Variants in HDC observed in about 807,000 individuals in gnomAD.
HDC encodes the protein histidine decarboxylase.
In HDC, 27 loss-of-function variants were observed where a neutral mutation model predicts 64.4. The observed-to-expected ratio is 0.42, with a 90% confidence interval of 0.31 to 0.58. The LOEUF is 0.58. Ranked by LOEUF, HDC falls within the 20% of genes least tolerant of loss-of-function variation. HDC has a pLI of 0.16. For missense variants in HDC, 711 were observed against 833.9 expected (o/e 0.85, Z 1.81); for synonymous variants, 305 against 314.2 (o/e 0.97, Z 0.31).
At chr15:50,254,392 C>T (rs2045598810) in intron 5 of HDC, 119 bp from the exon 6 acceptor site, 1 of 1,521,930 alleles carries the variant, frequency 6.6e-7, no homozygotes, top group Non-Finnish European at 9.1e-7. Flanking sequence ...GTCTTCCCTA[C>T]AGTTGCTGGA....
At chr15:50,245,921 A>T (rs1250579765) in intron 10 of HDC, among the ~76,000 whole-genome samples, 1 of 152,228 alleles carries the variant, frequency 6.6e-6, no homozygotes, top group African/African-American at 2.4e-5. Flanking sequence ...TAAATAAGGC[A>T]GACAAATATA....
At chr15:50,261,442 T>C (rs951811240) in intron 2 of HDC, among the ~76,000 whole-genome samples, 1 of 152,094 alleles carries the variant, frequency 6.6e-6, no homozygotes, top group Non-Finnish European at 1.5e-5. Context: ...AAAAAATGCT[T>C]GTGAAATAGG....
At chr15:50,263,109 G>C (rs986175198) in intron 2 of HDC, 126 bp downstream of exon 2, 2 of 924,042 alleles carry the variant, frequency 2.2e-6, no homozygotes, top group African/African-American at 3.2e-5. Context: ...CTGGGGTGTT[G>C]GTGGCCAAGT....
At chr15:50,249,596 T>G (rs1051030629) in intron 9 of HDC, among the ~76,000 whole-genome samples, 1 of 152,156 alleles carries the variant, frequency 6.6e-6, no homozygotes, top group Non-Finnish European at 1.5e-5. Context: ...GGGGCTTTTG[T>G]GCCAGCAGAA....
At chr15:50,262,284 A>C (rs2045714232) in intron 2 of HDC, among the ~76,000 whole-genome samples, 1 of 152,138 alleles carries the variant, frequency 6.6e-6, no homozygotes, top group Non-Finnish European at 1.5e-5. Context: ...AAAATCCTGG[A>C]TCTACCAGGT....
chr15:50,263,404 C>T lies in HDC; in HGVS notation c.35G>A (p.Arg12Lys), dbSNP rs999063311. The change falls in exon 2 of 12, where the codon AGA becomes AAA. Residue 12 changes from arginine to lysine, a missense_variant. Physicochemically the swap from Arg to Lys is conservative, Grantham distance 26. Around this residue, in one of 3 missense-constraint regions of HDC, gnomAD observed 225 missense variants for 276.2 expected, o/e 0.81. Transcript: ENST00000267845. ...CTGGCAGATGTAATCCACCATCTCTCTCCCTAGAAGTGACATAGAGAAATC... is the reference window on the plus strand; with the variant it reads ...CTGGCAGATGTAATCCACCATCTCTTTCCCTAGAAGTGACATAGAGAAATC... ...MEPEEYRERG[R>K]EMVDYICQYL... 2 of 1,614,102 alleles carry T rather than the reference C, an allele frequency of 1.2e-6. No homozygotes were observed. Among genetic ancestry groups the T allele is most frequent in the African/African-American group, 1.3e-5 (1 of 75,064 alleles).
chr15:50,263,366 C>G lies in HDC; in HGVS notation c.73G>C (p.Val25Leu), dbSNP rs753478644. The change falls in exon 2 of 12, where the codon GTG (valine) becomes CTG (leucine). Residue 25 changes from valine (V) to leucine (L), a missense_variant. Val to Leu is a conservative substitution (Grantham distance 32). This residue lies in a region of HDC where 225 missense variants were observed against 276.2 expected (regional missense o/e 0.81). Transcript: ENST00000267845. ...VDYICQYLST[V>L]RERRVTPDVQ... ...TCTGGCGTCACACGTCTCTCCCGCA[C>G]AGTGCTCAGGTACTGGCAGATGTAA... The G allele has an allele frequency of 6.2e-7, 1 of 1,614,214 alleles. No individual in the cohort carries two copies.
In HDC at chr15:50,254,205, G is replaced by T. The variant is rs761199216; in HGVS notation, c.645C>A (p.Asp215Glu). The T allele has an allele frequency of 6.2e-7, 1 of 1,614,186 alleles. No homozygotes were observed. Among genetic ancestry groups the T allele is most frequent in the Non-Finnish European group, 8.5e-7 (1 of 1,180,012 alleles). ...LVKMKFLPVDDNFSLRGEALQ... is the reference protein window; with the variant it reads ...LVKMKFLPVDENFSLRGEALQ... ...GAGCTTCCCCTCGGAGTGAGAAGTT[G>T]TCATCCACAGGCAGAAATTTCATCT... Residue 215 changes from aspartate (D) to glutamate (E), a missense_variant, in exon 6 of 12, where the codon GAC becomes GAA. Physicochemically the swap from Asp to Glu is conservative, Grantham distance 45. Around this residue, in one of 3 missense-constraint regions of HDC, gnomAD observed 225 missense variants for 276.2 expected, o/e 0.81. Transcript: ENST00000267845.
intron 9 of HDC, among the ~76,000 whole-genome samples, chr15:50,249,441 T>C (rs2045525374): frequency 6.6e-6 from 1 of 152,218 alleles, no homozygotes; most frequent in Admixed American, 6.5e-5. Flanking sequence ...CTCACAAATG[T>C]CCTCACCTTC....
intron 7 of HDC, chr15:50,253,139 C>G (rs1022830838): frequency 5.1e-6 from 2 of 392,638 alleles, no homozygotes; most frequent in African/African-American, 4.1e-5. Flanking sequence ...TCTCTCTTTC[C>G]TAGTGGTTTC....
intron 2 of HDC, 32 bp downstream of exon 2, chr15:50,263,203 C>T (rs779056878): frequency 4.3e-6 from 7 of 1,612,154 alleles, no homozygotes; most frequent in Middle Eastern, 1.7e-4. Context: ...GCCCTGAAAT[C>T]CAGAACTGCC....
intron 5 of HDC, 29 bp downstream of exon 5, chr15:50,254,501 G>A (rs772810411): frequency 2.4e-5 from 38 of 1,613,930 alleles, no homozygotes; most frequent in African/African-American, 1.6e-4. Flanking sequence ...GCACCAACCC[G>A]AAGGGCTGTC....
chr15:50,245,560 T>C (rs2045470240), intron 10 of HDC, among the ~76,000 whole-genome samples: 1 of 152,188 alleles, frequency 6.6e-6, no homozygotes, highest in South Asian at 2.1e-4. Flanking sequence ...ATTATCTCAT[T>C]TAATTTGAGA....
At chr15:50,251,939 G>A (rs561649924) in intron 9 of HDC, among the ~76,000 whole-genome samples, 1 of 152,142 alleles carries the variant, frequency 6.6e-6, no homozygotes, top group Non-Finnish European at 1.5e-5. Context: ...ATGCTTGGAG[G>A]CTTCCAGAAC....
chr15:50,252,758 C>T lies in HDC; in HGVS notation c.804G>A (p.Leu268=), dbSNP rs1404413140. 1 of 1,613,570 alleles carries T rather than the reference C, an allele frequency of 6.2e-7. No individual in the cohort carries two copies. Among genetic ancestry groups the T allele is most frequent in the Non-Finnish European group, 8.5e-7 (1 of 1,179,816 alleles). Residue 268 remains leucine (L), a synonymous_variant, in exon 8 of 12, where the codon CTG becomes CTA. Transcript: ENST00000267845. ...CATAAGCAGCATCGATGTGGAGCCA[C>T]AGCCCCTCACGGGCACCTGAGGAGG... ...ELGPICAREG[L]WLHIDAAYAG...
At position 50,257,412 on chromosome 15, in the gene HDC, C is replaced by T; in HGVS notation, c.441+13G>A. Reference sequence around the variant, plus strand: ...AGCCCCCAAGCTAGGTGAAGCTTTGCCAAGGGAGGTACCTGCAGGACGCCT... The same window carrying T: ...AGCCCCCAAGCTAGGTGAAGCTTTGTCAAGGGAGGTACCTGCAGGACGCCT... On this transcript the variant is annotated intron_variant, in intron 4 of 11. Transcript: ENST00000267845. 1 of 1,614,106 alleles carries T rather than the reference C, an allele frequency of 6.2e-7. No homozygotes were observed. Among genetic ancestry groups the T allele is most frequent in the African/African-American group, 1.3e-5 (1 of 75,042 alleles).
intron 7 of HDC, chr15:50,253,030 T>TCTTGGC: frequency 1.8e-6 from 1 of 550,592 alleles, no homozygotes; most frequent in South Asian, 2.0e-5. Context: ...GCCAGCACCC[T>TCTTGGC]CTTGGCCTCA....
At chr15:50,261,179 C>A (rs554698668) in intron 2 of HDC, among the ~76,000 whole-genome samples, 11 of 152,050 alleles carry the variant, frequency 7.2e-5, no homozygotes, top group Non-Finnish European at 1.0e-4. Flanking sequence ...GATAAAATAG[C>A]CAGAAGAGCC....
chr15:50,253,201 C>T (rs569747540), intron 7 of HDC: 6 of 371,956 alleles, frequency 1.6e-5, no homozygotes, highest in South Asian at 2.5e-5. Context: ...CCTTTAATCT[C>T]TCCCATGATT....
Sources: gnomAD v4.1 joint callset for allele counts (sites outside exome capture counted in the v4.1 genomes callset) on GRCh38, gnomAD v4.1.1 for gene constraint, gnomAD v4.1.1 regional missense constraint, MANE v1.5 for transcripts, NCBI Gene and HGNC (gene_info 2026-07-23, HGNC 2026-07-21) for gene names.